KIAA0513: variants seen among roughly 807,000 people sequenced by gnomAD.
KIAA0513 encodes the protein KIAA0513.
Under a neutral mutation model 56.5 loss-of-function variants are expected in KIAA0513, and 39 were observed. The ratio of observed to expected loss-of-function variants is 0.69; its 90% confidence interval spans 0.53 to 0.90. The LOEUF (loss-of-function observed/expected upper bound fraction) is 0.90, where lower values mean the gene tolerates loss of function less well. Among genes scored for constraint, KIAA0513 ranks in the 40% least tolerant of loss-of-function variants. The pLI is 0.00. For missense variants in KIAA0513, 591 were observed against 535.2 expected, an observed-to-expected ratio of 1.10 and a Z score of -1.03; for synonymous variants, 268 against 215.6, an observed-to-expected ratio of 1.24 and a Z score of -2.13.
chr16:85,040,400 C>CA (rs1315326564), intron 1 of KIAA0513, among the ~76,000 whole-genome samples: 1 of 152,068 alleles, frequency 6.6e-6, no homozygotes, highest in Non-Finnish European at 1.5e-5. Flanking sequence ...CGTGGTGGCT[C>CA]ACGCCTGTAA....
chr16:85,043,519 C>A (rs973174485), intron 1 of KIAA0513, among the ~76,000 whole-genome samples: 1 of 145,132 alleles, frequency 6.9e-6, no homozygotes, highest in South Asian at 2.2e-4. Context: ...TCAAGCAATT[C>A]TCATGCCACA....
At chr16:85,073,206 G>C (rs542896293) in intron 4 of KIAA0513, among the ~76,000 whole-genome samples, 1 of 152,286 alleles carries the variant, frequency 6.6e-6, no homozygotes, top group East Asian at 1.9e-4. Context: ...GTCCTTAGCT[G>C]GCAGCGAATG....
At chr16:85,031,207 G>A (rs946305144) in intron 1 of KIAA0513, among the ~76,000 whole-genome samples, 9 of 152,170 alleles carry the variant, frequency 5.9e-5, no homozygotes, top group African/African-American at 2.2e-4. Flanking sequence ...TTGGCTGGGT[G>A]TGGTGGCTAC....
At chr16:85,056,970 G>A (rs2073339072) in intron 1 of KIAA0513, among the ~76,000 whole-genome samples, 2 of 152,134 alleles carry the variant, frequency 1.3e-5, no homozygotes, top group South Asian at 4.2e-4. Flanking sequence ...CTCCCAAAGG[G>A]CTGGAATTAC....
chr16:85,056,212 G>C (rs1257451623), intron 1 of KIAA0513, among the ~76,000 whole-genome samples: 1 of 152,220 alleles, frequency 6.6e-6, no homozygotes, highest in Non-Finnish European at 1.5e-5. Context: ...TCCCAGACAT[G>C]GATCCTAAAC....
In KIAA0513 at chr16:85,065,080, A is replaced by G. The variant is rs139168968; in HGVS notation, c.-172-1820A>G. Among the ~76,000 whole-genome samples, 44 of 152,380 alleles carry G rather than the reference A, an allele frequency of 2.9e-4. No homozygotes were observed. The East Asian group carries it at 7.3e-3, about 25-fold the overall frequency. On this transcript the variant is annotated intron_variant, in intron 1 of 12. Coordinates refer to ENST00000683363, the MANE Select transcript of KIAA0513 (RefSeq NM_001388359.1). Reference sequence around the variant, plus strand: ...TTAGAGTTGTGTGAATTTGTAGTACAGACAGCACTAGCTTAATGTTCCTAC... The same window carrying G: ...TTAGAGTTGTGTGAATTTGTAGTACGGACAGCACTAGCTTAATGTTCCTAC...
chr16:85,043,794 A>T (rs183004182), intron 1 of KIAA0513, among the ~76,000 whole-genome samples: 2,168 of 152,240 alleles, frequency 0.014, 20 homozygotes, highest in Non-Finnish European at 0.021. Flanking sequence ...GCACTCTGGG[A>T]GGCCGAAGCG....
chr16:85,058,245 G>A (rs542157760), intron 1 of KIAA0513, among the ~76,000 whole-genome samples: 14 of 152,214 alleles, frequency 9.2e-5, no homozygotes, highest in East Asian at 5.8e-4. Flanking sequence ...TCACTGTCAC[G>A]CCTCATGTAT....
chr16:85,065,928 G>C (rs545497356), intron 1 of KIAA0513, among the ~76,000 whole-genome samples: 1 of 152,208 alleles, frequency 6.6e-6, no homozygotes, highest in African/African-American at 2.4e-5. Context: ...CTGTGAGCAT[G>C]TTCACAATCC....
intron 1 of KIAA0513, among the ~76,000 whole-genome samples, chr16:85,066,695 T>C (rs2144010074): frequency 6.6e-6 from 1 of 152,326 alleles, no homozygotes; most frequent in East Asian, 1.9e-4. Context: ...TGTCAGTGTT[T>C]ATTTGTTCAT....
At chr16:85,079,282 G>A in intron 8 of KIAA0513, 1 of 495,286 alleles carries the variant, frequency 2.0e-6, no homozygotes, top group South Asian at 3.6e-5. Context: ...CTGTGACCCA[G>A]CAGCTCCACT....
chr16:85,052,517 ATCAATCAG>A (rs1013098570), intron 1 of KIAA0513, among the ~76,000 whole-genome samples: 3 of 152,186 alleles, frequency 2.0e-5, no homozygotes, highest in Non-Finnish European at 4.4e-5. Context: ...CCTGTCTCAA[ATCAATCAG>A]TCAATCAGTC....
intron 1 of KIAA0513, among the ~76,000 whole-genome samples, chr16:85,042,937 GT>G (rs2073123058): frequency 6.6e-6 from 1 of 152,106 alleles, no homozygotes; most frequent in Non-Finnish European, 1.5e-5. Context: ...TCAAATATAA[GT>G]TTTTAAGGAC....
At position 85,088,662 on chromosome 16, in the gene KIAA0513, G is replaced by C. The variant is rs970344446; in HGVS notation, c.*337G>C. 3.5e-6 allele frequency: 1 copy of C among 284,064 alleles called. No homozygotes were observed. The highest frequency in any genetic ancestry group is 2.2e-5 in the African/African-American group (1 of 46,034). 17.6% of individuals were successfully genotyped at this position (284,064 alleles called of 1,614,324 possible). On this transcript the variant is annotated 3_prime_UTR_variant, in exon 13 of 13. Coordinates refer to ENST00000683363, the MANE Select transcript of KIAA0513 (RefSeq NM_001388359.1). Reference sequence around the variant, plus strand: ...CATCGTGGGCCAAGGGCTGGCGAGGGTGGGGGCGGGCAAGGGATGCAGGCA... The same window carrying C: ...CATCGTGGGCCAAGGGCTGGCGAGGCTGGGGGCGGGCAAGGGATGCAGGCA...
intron 1 of KIAA0513, among the ~76,000 whole-genome samples, chr16:85,046,108 C>A (rs2073167449): frequency 6.6e-6 from 1 of 152,184 alleles, no homozygotes; most frequent in African/African-American, 2.4e-5. Flanking sequence ...CTGCTTCGGC[C>A]CTTCCCTTGG....
intron 1 of KIAA0513, among the ~76,000 whole-genome samples, chr16:85,037,507 T>C (rs2073050925): frequency 6.6e-6 from 1 of 152,158 alleles, no homozygotes. Flanking sequence ...ACGAACACAG[T>C]GTCCATATGT....
chr16:85,082,192 T>C (rs1412914251), intron 9 of KIAA0513, among the ~76,000 whole-genome samples: 2 of 152,190 alleles, frequency 1.3e-5, no homozygotes, highest in Non-Finnish European at 2.9e-5. Context: ...TGAAATTCTT[T>C]CTTCTGGAGG....
intron 1 of KIAA0513, among the ~76,000 whole-genome samples, chr16:85,057,822 T>G (rs1260534172): frequency 6.6e-6 from 1 of 151,604 alleles, no homozygotes; most frequent in Non-Finnish European, 1.5e-5. Context: ...GTGCTGAGGC[T>G]GCCTCTTTCA....
In KIAA0513 at chr16:85,086,738, TG is replaced by T. The variant is rs1417146655; in HGVS notation, c.1091+17del. 1.2e-6 allele frequency: 2 copies of T among 1,603,166 alleles called. No homozygotes were observed. The highest frequency in any genetic ancestry group is 2.8e-5 in the African/African-American group (2 of 72,700). Reference sequence around the variant, plus strand: ...CGGGCAGCTGGGGTAAGGGCCAGAGTGGGAAAGCGGGAGGGGAGAGGGGGGA... The same window carrying T: ...CGGGCAGCTGGGGTAAGGGCCAGAGTGGAAAGCGGGAGGGGAGAGGGGGGA... On this transcript the variant is annotated intron_variant, in intron 11 of 12. Coordinates refer to ENST00000683363, the MANE Select transcript of KIAA0513 (RefSeq NM_001388359.1).
Sources: allele counts gnomAD v4.1 joint callset (sites outside exome capture counted in the v4.1 genomes callset), GRCh38; gene constraint gnomAD v4.1.1; transcripts MANE v1.5; gene names NCBI Gene and HGNC (gene_info 2026-07-23, HGNC 2026-07-21).